ASB7: variants seen among roughly 807,000 people sequenced by gnomAD.
ASB7 encodes ankyrin repeat and SOCS box protein 7.
Under a neutral mutation model 32.5 loss-of-function variants are expected in ASB7, and 4 were observed. That is an observed-to-expected ratio of 0.12 (90% CI 0.06 to 0.28). ASB7 has a LOEUF of 0.28. ASB7 is among the 10% of genes least tolerant of loss of function. ASB7 has a pLI of 1.00. For synonymous variants in ASB7, 172 were observed against 155.6 expected, an observed-to-expected ratio of 1.11 and a Z score of -0.78; for missense variants, 181 against 407.1, an observed-to-expected ratio of 0.44 and a Z score of 4.78.
At chr15:100,617,732 T>C (rs920358997) in intron 4 of ASB7, among the ~76,000 whole-genome samples, 3 of 152,268 alleles carry the variant, frequency 2.0e-5, no homozygotes, top group Non-Finnish European at 4.4e-5. Context: ...TGAATTGTTT[T>C]ATAGTTCTTT....
At position 100,651,093 on chromosome 15, in the gene ASB7, C is replaced by T. The variant is rs796693427; in HGVS notation, c.*2631C>T. 6.6e-6 allele frequency: 1 copy of T among 152,150 alleles called. No homozygotes were observed. Among genetic ancestry groups the T allele is most frequent in the African/African-American group, 2.4e-5 (1 of 41,510 alleles). 9.4% of individuals were successfully genotyped at this position (152,150 alleles called of 1,614,324 possible). ...TTTATTATTTAAGCCTATTACTAAA[C>T]CTTTATAAAAATATATTTGGCAAAT... is the stretch of plus-strand genomic sequence containing the variant. On this transcript the variant is annotated 3_prime_UTR_variant, in exon 6 of 6. Transcript: ENST00000332783.
intron 4 of ASB7, among the ~76,000 whole-genome samples, chr15:100,625,104 C>T (rs1182794333): frequency 6.6e-6 from 1 of 152,136 alleles, no homozygotes; most frequent in Non-Finnish European, 1.5e-5. Flanking sequence ...AGGTGATTTC[C>T]AAAGCAATGA....
chr15:100,632,622 C>A (rs114068906), intron 5 of ASB7, among the ~76,000 whole-genome samples: 2,391 of 152,104 alleles, frequency 0.016, 46 homozygotes, highest in African/African-American at 0.043. Flanking sequence ...GCACCGCAGC[C>A]CCAGGCATCA....
chr15:100,619,523 A>G (rs376593508), intron 4 of ASB7, among the ~76,000 whole-genome samples: 2 of 152,222 alleles, frequency 1.3e-5, no homozygotes, highest in East Asian at 3.9e-4. Context: ...TCAGGAAGAA[A>G]AGAATTGCCG....
At chr15:100,614,897 T>G (rs1335016962) in intron 4 of ASB7, among the ~76,000 whole-genome samples, 1 of 152,258 alleles carries the variant, frequency 6.6e-6, no homozygotes, top group Non-Finnish European at 1.5e-5. Context: ...TCTTTCTCTC[T>G]GTATATATGT....
intron 4 of ASB7, among the ~76,000 whole-genome samples, chr15:100,618,410 C>T (rs1295323102): frequency 6.6e-6 from 1 of 152,112 alleles, no homozygotes; most frequent in Admixed American, 6.5e-5. Context: ...CCACCGCGTC[C>T]AGTCTCGAAA....
intron 2 of ASB7, among the ~76,000 whole-genome samples, chr15:100,606,950 C>G (rs139544561): frequency 1.3e-5 from 2 of 152,018 alleles, no homozygotes; most frequent in Non-Finnish European, 1.5e-5. Flanking sequence ...GTCAAGAGAT[C>G]GAGATCATCC....
At chr15:100,645,710 A>C in intron 5 of ASB7, 2 of 1,574,306 alleles carry the variant, frequency 1.3e-6, no homozygotes, top group Non-Finnish European at 1.7e-6. Flanking sequence ...GGGATCCCAC[A>C]GTCTGATATG....
At position 100,648,389 on chromosome 15, in the gene ASB7, T is replaced by C; in HGVS notation, c.884T>C (p.Leu295Pro). The C allele has an allele frequency of 6.2e-7, 1 of 1,610,738 alleles. No homozygotes were observed. Among genetic ancestry groups the C allele is most frequent in the South Asian group, 1.1e-5 (1 of 90,938 alleles). The change falls in exon 6 of 6, where the codon CTA (leucine) becomes CCA (proline). Residue 295 changes from leucine (L) to proline (P), a missense_variant. Transcript: ENST00000332783. The part of the protein sequence containing the change: ...KIRQCIGLQN[L>P]KLLDELPIAK... ...CGACAATGTATAGGCCTTCAAAACC[T>C]AAAGCTACTTGATGAACTACCAATT...
At chr15:100,626,740 T>C (rs2039842138) in intron 4 of ASB7, among the ~76,000 whole-genome samples, 1 of 152,074 alleles carries the variant, frequency 6.6e-6, no homozygotes, top group Non-Finnish European at 1.5e-5. Context: ...CATCAATTGA[T>C]TAAAAAAACT....
chr15:100,644,120 C>T (rs192420374), intron 5 of ASB7, among the ~76,000 whole-genome samples: 1 of 152,020 alleles, frequency 6.6e-6, no homozygotes, highest in Non-Finnish European at 1.5e-5. Flanking sequence ...TGGTGGCACA[C>T]GCCTATAATC....
intron 4 of ASB7, among the ~76,000 whole-genome samples, chr15:100,615,949 G>A (rs965729744): frequency 2.6e-5 from 4 of 152,112 alleles, no homozygotes; most frequent in Admixed American, 6.5e-5. Context: ...TTGAATGATC[G>A]TGTTACATTA....
At position 100,650,756 on chromosome 15, in the gene ASB7, C is replaced by A. The variant is rs908686144; in HGVS notation, c.*2294C>A. On this transcript the variant is annotated 3_prime_UTR_variant, in exon 6 of 6. Coordinates refer to ENST00000332783, the MANE Select transcript of ASB7 (RefSeq NM_198243.3). ...CTATTTAATGAAGAAGTGTATAATTCCATTATTTATTGTTTGAGGTTTGAT... is the reference window on the plus strand; with the variant it reads ...CTATTTAATGAAGAAGTGTATAATTACATTATTTATTGTTTGAGGTTTGAT... The A allele has an allele frequency of 6.6e-5, 10 of 151,972 alleles. 1 individual carries two copies. The highest frequency in any genetic ancestry group is 1.3e-4 in the Admixed American group (2 of 15,250). 9.4% of individuals were successfully genotyped at this position (151,972 alleles called of 1,614,324 possible). A position where few individuals can be genotyped will look rare whatever the true frequency, so the allele number is the denominator to read the frequency against.
chr15:100,635,713 G>C (rs1406133892), intron 5 of ASB7, among the ~76,000 whole-genome samples: 1 of 152,180 alleles, frequency 6.6e-6, no homozygotes, highest in Non-Finnish European at 1.5e-5. Context: ...GCAGTCTTCT[G>C]ATTCACTCTC....
chr15:100,638,985 A>G (rs2039943576), intron 5 of ASB7, among the ~76,000 whole-genome samples: 1 of 152,144 alleles, frequency 6.6e-6, no homozygotes, highest in Non-Finnish European at 1.5e-5. Flanking sequence ...TTCTTAAGTC[A>G]GAGAATACGC....
chr15:100,602,781 G>A lies in ASB7; in HGVS notation c.-538G>A, dbSNP rs2039561611. ...CCGGAGCGCGGCAGCCCCCTGCTCC[G>A]AGCCCTGGACCGGGACTGCCCCCCC... On this transcript the variant is annotated 5_prime_UTR_variant, in exon 1 of 6. Transcript: ENST00000332783. The A allele has an allele frequency of 2.6e-6, 1 of 388,732 alleles. No individual in the cohort carries two copies. The highest frequency in any genetic ancestry group is 4.5e-6 in the Non-Finnish European group (1 of 220,622). The allele number at this position is 388,732 out of a possible 1,614,324, so 24.1% of individuals were successfully genotyped here.
At chr15:100,622,913 C>G (rs938169264) in intron 4 of ASB7, among the ~76,000 whole-genome samples, 1 of 152,122 alleles carries the variant, frequency 6.6e-6, no homozygotes, top group African/African-American at 2.4e-5. Flanking sequence ...ACACAGACAA[C>G]TAAAACATAG....
chr15:100,630,851 TC>T (rs2039878158), intron 5 of ASB7, among the ~76,000 whole-genome samples: 1 of 152,198 alleles, frequency 6.6e-6, no homozygotes, highest in African/African-American at 2.4e-5. Flanking sequence ...GAAGCTAAAA[TC>T]TGTAAACAAA....
chr15:100,603,201 TTC>T lies in ASB7; in HGVS notation c.-272-12_-272-11del, dbSNP rs2039580442. 2.6e-6 allele frequency: 1 copy of T among 387,038 alleles called. No individual in the cohort carries two copies. Among genetic ancestry groups the T allele is most frequent in the African/African-American group, 2.1e-5 (1 of 47,932 alleles). 24.0% of individuals were successfully genotyped at this position (387,038 alleles called of 1,614,324 possible). A position where few individuals can be genotyped will look rare whatever the true frequency, so the allele number is the denominator to read the frequency against. On this transcript the variant is annotated splice_polypyrimidine_tract_variant and intron_variant, in intron 1 of 5. Transcript: ENST00000332783. ...CTGAGACACTACACCACTCACTGGT[TTC>T]TGTTTTTCTAGGTTTGAGCTGGCTG...
Sources: gnomAD v4.1 joint callset for allele counts (sites outside exome capture counted in the v4.1 genomes callset) on GRCh38, gnomAD v4.1.1 for gene constraint, MANE v1.5 for transcripts, NCBI Gene and HGNC (gene_info 2026-07-23, HGNC 2026-07-21) for gene names.